The following ZNF609 variants were observed in gnomAD, a reference collection of about 807,000 sequenced individuals.
ZNF609 encodes zinc finger protein 609.
A neutral mutation model predicts 109.5 loss-of-function variants in ZNF609; 11 were observed. The observed-to-expected ratio is 0.10, with a 90% CI of 0.06 to 0.17. The LOEUF is 0.17. Among genes scored for constraint, ZNF609 ranks in the 10% least tolerant of loss-of-function variants. The pLI is 1.00. For missense variants in ZNF609, 1,559 were observed against 1,772.4 expected, an observed-to-expected ratio of 0.88 and a Z score of 2.16; for synonymous variants, 646 against 662.0, an observed-to-expected ratio of 0.98 and a Z score of 0.37.
Position 64,680,974 on chromosome 15 carries a change from T to G in ZNF609, c.4162+112T>G, listed in dbSNP as rs1243106630. 2.5e-6 allele frequency: 3 copies of G among 1,211,558 alleles called. No homozygotes were observed. In the Admixed American group the frequency reaches 8.1e-5, roughly 33 times the overall value. 75.1% of individuals were successfully genotyped at this position (1,211,558 alleles called of 1,614,324 possible). Reference sequence around the variant, plus strand: ...CCTCCTACCTGCCTCATAAGAATCCTTTTTTAATTTTTTTTTTTTGAGCTT... The same window carrying G: ...CCTCCTACCTGCCTCATAAGAATCCGTTTTTAATTTTTTTTTTTTGAGCTT... On this transcript the variant is annotated intron_variant, in intron 8 of 9. Transcript: ENST00000326648.
chr15:64,498,513 A>T (rs1223412752), intron 1 of ZNF609, among the ~76,000 whole-genome samples: 3 of 152,186 alleles, frequency 2.0e-5, no homozygotes, highest in Non-Finnish European at 1.5e-5. Flanking sequence ...AGTAGTGTCC[A>T]GTTTTTCATA....
intron 2 of ZNF609, chr15:64,529,157 C>G (rs1196288087): frequency 1.3e-6 from 1 of 743,586 alleles, no homozygotes; most frequent in Middle Eastern, 3.3e-4. Flanking sequence ...ATGAATCCTT[C>G]TATGATACCA....
At position 64,525,365 on chromosome 15, in the gene ZNF609, C is replaced by A. The variant is rs185662646; in HGVS notation, c.747+25199C>A. ...TACCCCACATTGAATTTTCTTGACA[C>A]CCTTGTTGAAAATTAATTGACCATA... On this transcript the variant is annotated intron_variant, in intron 2 of 9. Coordinates refer to ENST00000326648, the MANE Select transcript of ZNF609 (RefSeq NM_015042.2). 5.0e-4 allele frequency among the ~76,000 whole-genome samples: 76 copies of A among 152,262 alleles called. No individual in the cohort carries two copies. In the East Asian group the frequency reaches 8.3e-3, roughly 17 times the overall value.
Position 64,499,641 on chromosome 15 carries a change from T to G in ZNF609, c.222T>G (p.Phe74Leu). 6.2e-7 allele frequency: 1 copy of G among 1,614,124 alleles called. No homozygotes were observed. Among genetic ancestry groups the G allele is most frequent in the Non-Finnish European group, 8.5e-7 (1 of 1,180,024 alleles). The stretch of plus-strand genomic sequence containing the variant: ...CCACACTACCAGACAACATCAAGTT[T>G]GTGACCCCAGTGCCAGGTCCTCAAG... ...AVATLPDNIKFVTPVPGPQGK... is the reference protein window; with the variant it reads ...AVATLPDNIKLVTPVPGPQGK... The change falls in exon 2 of 10, where the codon TTT becomes TTG. Residue 74 changes from phenylalanine to leucine, a missense_variant. This residue lies in a region of ZNF609 where 291 missense variants were observed against 317.8 expected (regional missense o/e 0.92). Transcript: ENST00000326648.
In ZNF609 at chr15:64,612,572, A is replaced by G. The variant is rs1463790129; in HGVS notation, c.748-10255A>G. Among the ~76,000 whole-genome samples, 7 of 151,260 alleles carry G rather than the reference A, an allele frequency of 4.6e-5. No homozygotes were observed. In the South Asian group the frequency reaches 1.5e-3, roughly 31 times the overall value. On this transcript the variant is annotated intron_variant, in intron 2 of 9. Transcript: ENST00000326648. ...GGAAATTAACCAGATTTATAATCAA[A>G]TTCTTTTTCAGGGCAGCCTAAGTGA...
chr15:64,491,567 T>A (rs372834028), intron 1 of ZNF609, among the ~76,000 whole-genome samples: 9 of 152,104 alleles, frequency 5.9e-5, no homozygotes, highest in African/African-American at 2.2e-4. Flanking sequence ...CCATGAGTTT[T>A]GCCGGGTGTG....
At position 64,593,396 on chromosome 15, in the gene ZNF609, A is replaced by C; in HGVS notation, c.748-29431A>C. On this transcript the variant is annotated intron_variant, in intron 2 of 9. Coordinates refer to ENST00000326648, the MANE Select transcript of ZNF609 (RefSeq NM_015042.2). ...AAAATAAAATGGAAATTGTACTTAA[A>C]TAAATAAATAAAAATAATGTTTTAA... 3.9e-6 allele frequency: 3 copies of C among 761,054 alleles called. No individual in the cohort carries two copies. In the South Asian group the frequency reaches 4.5e-5, roughly 11 times the overall value. 47.1% of individuals were successfully genotyped at this position (761,054 alleles called of 1,614,324 possible).
Position 64,682,528 on chromosome 15 carries a change from C to G in ZNF609, c.*842C>G. The G allele has an allele frequency of 6.5e-6, 1 of 152,992 alleles. No individual in the cohort carries two copies. The allele number at this position is 152,992 out of a possible 1,614,324, so 9.5% of individuals were successfully genotyped here. A position where few individuals can be genotyped will look rare whatever the true frequency, so the allele number is the denominator to read the frequency against. On this transcript the variant is annotated 3_prime_UTR_variant, in exon 10 of 10. Transcript: ENST00000326648. ...CTGCTTCTTATTCCCCAACTCCTTG[C>G]CCTTTTCCCTTCCCTCCTAACCCCT...
At chr15:64,543,524 A>G (rs145091169) in intron 2 of ZNF609, among the ~76,000 whole-genome samples, 3,487 of 149,736 alleles carry the variant, frequency 0.023, 136 homozygotes, top group African/African-American at 0.081. Context: ...GCTCACTGCA[A>G]CCTCCACCTC....
At chr15:64,589,197 TA>T (rs1304026663) in intron 2 of ZNF609, among the ~76,000 whole-genome samples, 1 of 152,108 alleles carries the variant, frequency 6.6e-6, no homozygotes, top group African/African-American at 2.4e-5. Context: ...CTTGAGAAGC[TA>T]AAAAAGGAGA....
chr15:64,576,233 T>A (rs1894950838), intron 2 of ZNF609, among the ~76,000 whole-genome samples: 1 of 152,206 alleles, frequency 6.6e-6, no homozygotes. Context: ...CTACTTAGTT[T>A]ATATTATAAC....
At chr15:64,558,201 C>G (rs937172466) in intron 2 of ZNF609, among the ~76,000 whole-genome samples, 5 of 152,008 alleles carry the variant, frequency 3.3e-5, no homozygotes, top group Admixed American at 1.3e-4. Flanking sequence ...CTTTTTTGTT[C>G]TCCAAATTGT....
chr15:64,483,488 G>T (rs1232324162), intron 1 of ZNF609, among the ~76,000 whole-genome samples: 1 of 152,056 alleles, frequency 6.6e-6, no homozygotes, highest in Non-Finnish European at 1.5e-5. Context: ...CTGGGCTCCA[G>T]TTATCATCCT....
chr15:64,495,765 G>A (rs1486516577), intron 1 of ZNF609, among the ~76,000 whole-genome samples: 6 of 144,944 alleles, frequency 4.1e-5, no homozygotes, highest in Non-Finnish European at 7.6e-5. Context: ...TTTTTTTTTA[G>A]TGTTAAATCC....
intron 2 of ZNF609, among the ~76,000 whole-genome samples, chr15:64,599,502 A>T (rs1895459761): frequency 6.6e-6 from 1 of 152,036 alleles, no homozygotes; most frequent in African/African-American, 2.4e-5. Flanking sequence ...TCCTTTACTG[A>T]TTACCTACAT....
chr15:64,531,614 G>A (rs563794787), intron 2 of ZNF609, among the ~76,000 whole-genome samples: 4 of 151,916 alleles, frequency 2.6e-5, no homozygotes, highest in Non-Finnish European at 5.9e-5. Flanking sequence ...GCCCAGGCGG[G>A]TCTTGAACTC....
intron 2 of ZNF609, among the ~76,000 whole-genome samples, chr15:64,559,253 T>C (rs745450556): frequency 4.6e-5 from 7 of 152,074 alleles, no homozygotes; most frequent in Non-Finnish European, 1.0e-4. Context: ...GGCTTTAAGA[T>C]AGAATCAAGA....
At chr15:64,607,891 C>CT (rs1228019104) in intron 2 of ZNF609, among the ~76,000 whole-genome samples, 1 of 5,440 alleles carries the variant, frequency 1.8e-4, no homozygotes, top group Non-Finnish European at 7.9e-4. Context: ...TCTTTCTTTT[C>CT]TTTCTTTTTT....
intron 2 of ZNF609, among the ~76,000 whole-genome samples, chr15:64,517,183 C>G (rs2081776879): frequency 6.6e-6 from 1 of 152,128 alleles, no homozygotes; most frequent in African/African-American, 2.4e-5. Context: ...CAAGACCAGC[C>G]TGGTCAACAT....
Sources: gnomAD v4.1 joint callset for allele counts (sites outside exome capture counted in the v4.1 genomes callset) on GRCh38, gnomAD v4.1.1 for gene constraint, gnomAD v4.1.1 regional missense constraint, MANE v1.5 for transcripts, NCBI Gene and HGNC (gene_info 2026-07-23, HGNC 2026-07-21) for gene names.